ZNF354A: variants seen among roughly 807,000 people sequenced by gnomAD.
ZNF354A encodes zinc finger protein 354A.
A neutral mutation model predicts 53.3 loss-of-function variants in ZNF354A; 25 were observed. The ratio of observed to expected loss-of-function variants is 0.47; its 90% CI spans 0.34 to 0.66. The LOEUF (loss-of-function observed/expected upper bound fraction) is 0.66. Ranked by LOEUF, ZNF354A falls within the 30% of genes least tolerant of loss-of-function variation. The probability of loss-of-function intolerance (pLI) is 0.01; values close to 1 mark genes in which losing one functional copy is unlikely to be tolerated. For missense variants in ZNF354A, 586 were observed against 716.8 expected (o/e 0.82, Z 2.08); for synonymous variants, 228 against 249.0 (o/e 0.92, Z 0.79).
intron 4 of ZNF354A, among the ~76,000 whole-genome samples, chr5:178,714,641 T>A (rs757616261): frequency 6.6e-6 from 1 of 152,256 alleles, no homozygotes. Flanking sequence ...AAAAGTTGTA[T>A]GTTTTGTTAA....
At chr5:178,728,000 G>C (rs1765944134) in intron 2 of ZNF354A, among the ~76,000 whole-genome samples, 1 of 152,150 alleles carries the variant, frequency 6.6e-6, no homozygotes, top group African/African-American at 2.4e-5. Flanking sequence ...ACAGGTGCTA[G>C]ACACCATGCC....
rs1296462667 is a variant in ZNF354A at position 178,723,902 on chromosome 5, T to TGAAA, written c.256+1473_256+1474insTTTC. On this transcript the variant is annotated intron_variant, in intron 4 of 4. Coordinates refer to ENST00000335815, the MANE Select transcript of ZNF354A (RefSeq NM_005649.3). Reference sequence around the variant, plus strand: ...GTCAGATTCCTCCTGCTTAAGCACCTCGCAAATGCTGTTTCCTGAAATTCG... The same window carrying TGAAA: ...GTCAGATTCCTCCTGCTTAAGCACCTGAAACGCAAATGCTGTTTCCTGAAATTCG... 1.9e-3 allele frequency among the ~76,000 whole-genome samples: 291 copies of TGAAA among 152,008 alleles called. 2 individuals are homozygous for TGAAA. The highest frequency in any genetic ancestry group is 6.7e-3 in the African/African-American group (278 of 41,466).
Position 178,727,237 on chromosome 5 carries a change from T to C in ZNF354A, c.34-112A>G, listed in dbSNP as rs868736924. On this transcript the variant is annotated intron_variant, in intron 2 of 4. Transcript: ENST00000335815. The stretch of plus-strand genomic sequence containing the variant: ...ACACTTCCCATACTATTCAAGCTTC[T>C]GAAGGTTCCAGATCATTCGTTTAAT... 206 of 1,254,332 alleles carry C rather than the reference T, an allele frequency of 1.6e-4. 8 individuals are homozygous for C. In the Middle Eastern group the frequency reaches 6.2e-3, roughly 38 times the overall value. The allele number at this position is 1,254,332 out of a possible 1,614,324, so 77.7% of individuals were successfully genotyped here.
chr5:178,720,873 A>G (rs34703961), intron 4 of ZNF354A, among the ~76,000 whole-genome samples: 36,166 of 152,136 alleles, frequency 0.24, 4,970 homozygotes, highest in South Asian at 0.39. Context: ...ACCTACACTA[A>G]TAAGTCAAAC....
Position 178,712,765 on chromosome 5 carries a change from A to G in ZNF354A, c.1113T>C (p.Tyr371=). The G allele has an allele frequency of 6.2e-7, 1 of 1,614,108 alleles. No individual in the cohort carries two copies. Among genetic ancestry groups the G allele is most frequent in the Non-Finnish European group, 8.5e-7 (1 of 1,179,992 alleles). Residue 371 remains tyrosine, a synonymous_variant, in exon 5 of 5, where the codon TAT becomes TAC. Transcript: ENST00000335815. The part of the protein sequence containing the change: ...NTFKSSSSLR[Y]HQRIHTGEKP... ...TCTCTCCAGTGTGAATTCTCTGATG[A>G]TAACGAAGGGATGAGCTAGACTTAA...
intron 3 of ZNF354A, among the ~76,000 whole-genome samples, chr5:178,725,699 T>C (rs1765892260): frequency 6.6e-6 from 1 of 152,086 alleles, no homozygotes; most frequent in African/African-American, 2.4e-5. Context: ...GAAAATATGA[T>C]CAACATGCAG....
intron 4 of ZNF354A, among the ~76,000 whole-genome samples, chr5:178,716,581 A>T (rs1489448260): frequency 6.6e-6 from 1 of 152,148 alleles, no homozygotes; most frequent in African/African-American, 2.4e-5. Context: ...TATACTTTGG[A>T]GTGTGCGCAT....
At position 178,712,457 on chromosome 5, in the gene ZNF354A, G is replaced by T; in HGVS notation, c.1421C>A (p.Ala474Asp). Reference protein sequence around the residue: ...KPCKCKVCGKAFRQSSALIQH... With the variant: ...KPCKCKVCGKDFRQSSALIQH... Reference sequence around the variant, plus strand: ...AATGAGAGCTGAACTCTGTCTGAAGGCTTTTCCACATACTTTACATTTACA... The same window carrying T: ...AATGAGAGCTGAACTCTGTCTGAAGTCTTTTCCACATACTTTACATTTACA... Residue 474 changes from alanine (A) to aspartate (D), a missense_variant, in exon 5 of 5, where the codon GCC becomes GAC. Around this residue, in one of 2 missense-constraint regions of ZNF354A, gnomAD observed 573 missense variants for 680.1 expected, o/e 0.84. Coordinates refer to ENST00000335815, the MANE Select transcript of ZNF354A (RefSeq NM_005649.3). The T allele has an allele frequency of 6.2e-7, 1 of 1,613,894 alleles. No homozygotes were observed. Among genetic ancestry groups the T allele is most frequent in the Non-Finnish European group, 8.5e-7 (1 of 1,179,882 alleles).
In ZNF354A at chr5:178,725,484, A is replaced by C; in HGVS notation, c.161-13T>G. ...GTAAATGGGAGCCCTGCACATAAAC[A>C]AAAAACCACAACCAAACAAATCAGA... is the stretch of plus-strand genomic sequence containing the variant. On this transcript the variant is annotated splice_polypyrimidine_tract_variant and intron_variant, in intron 3 of 4. Coordinates refer to ENST00000335815, the MANE Select transcript of ZNF354A (RefSeq NM_005649.3). 6.2e-7 allele frequency: 1 copy of C among 1,612,340 alleles called. No individual in the cohort carries two copies. The highest frequency in any genetic ancestry group is 8.5e-7 in the Non-Finnish European group (1 of 1,178,858).
At chr5:178,714,976 T>C (rs1468925580) in intron 4 of ZNF354A, among the ~76,000 whole-genome samples, 3 of 152,140 alleles carry the variant, frequency 2.0e-5, no homozygotes, top group Admixed American at 1.3e-4. Flanking sequence ...AGCCTACTCA[T>C]GCATCAAGCA....
chr5:178,723,979 C>T lies in ZNF354A; in HGVS notation c.256+1397G>A, dbSNP rs1765858542. 2.6e-5 allele frequency among the ~76,000 whole-genome samples: 4 copies of T among 152,192 alleles called. No individual in the cohort carries two copies. The South Asian group carries it at 8.3e-4, about 32-fold the overall frequency. ...CCAGCTCCAAGCTTCTAATGCCCAT[C>T]ATGCTAATGGGCTCCCTGACCTCCC... On this transcript the variant is annotated intron_variant, in intron 4 of 4. Transcript: ENST00000335815.
Position 178,713,501 on chromosome 5 carries a change from T to C in ZNF354A, c.377A>G (p.Tyr126Cys). The C allele has an allele frequency of 6.2e-7, 1 of 1,613,840 alleles. No individual in the cohort carries two copies. The highest frequency in any genetic ancestry group is 8.5e-7 in the Non-Finnish European group (1 of 1,179,980). ...VPWDLKLEKP[Y>C]IYEGRLEKKQ... Reference sequence around the variant, plus strand: ...TTTCTCTAATCTGCCTTCATATATGTAAGGCTTTTCTAATTTCAAATCCCA... The same window carrying C: ...TTTCTCTAATCTGCCTTCATATATGCAAGGCTTTTCTAATTTCAAATCCCA... Residue 126 changes from tyrosine (Y) to cysteine (C), a missense_variant, in exon 5 of 5, where the codon TAC becomes TGC. This residue lies in a region of ZNF354A where 573 missense variants were observed against 680.1 expected (regional missense o/e 0.84). Coordinates refer to ENST00000335815, the MANE Select transcript of ZNF354A (RefSeq NM_005649.3).
At chr5:178,728,750 T>C (rs2113889291) in intron 2 of ZNF354A, among the ~76,000 whole-genome samples, 1 of 120,154 alleles carries the variant, frequency 8.3e-6, no homozygotes, top group South Asian at 2.7e-4. Flanking sequence ...CGAGCCGAGA[T>C]CCCGCCACTG....
At position 178,711,993 on chromosome 5, in the gene ZNF354A, ATC is replaced by A. The variant is rs1765626281; in HGVS notation, c.*65_*66del. 1.3e-6 allele frequency: 2 copies of A among 1,503,026 alleles called. No individual in the cohort carries two copies. Among genetic ancestry groups the A allele is most frequent in the Admixed American group, 2.3e-5 (1 of 43,674 alleles). 93.1% of individuals were successfully genotyped at this position (1,503,026 alleles called of 1,614,324 possible). On this transcript the variant is annotated 3_prime_UTR_variant, in exon 5 of 5. Coordinates refer to ENST00000335815, the MANE Select transcript of ZNF354A (RefSeq NM_005649.3). ...TTTTCACATCCATTACATTTATTAC[ATC>A]TCTCTCAAGGATGTATTCTTCGATG...
Position 178,711,878 on chromosome 5 carries a change from A to T in ZNF354A, c.*182T>A. On this transcript the variant is annotated 3_prime_UTR_variant, in exon 5 of 5. Coordinates refer to ENST00000335815, the MANE Select transcript of ZNF354A (RefSeq NM_005649.3). ...CTCAGGTTATTTTTTTAAGTGTCTGACAGGCACAAACACTTTCCTCATATC... is the reference window on the plus strand; with the variant it reads ...CTCAGGTTATTTTTTTAAGTGTCTGTCAGGCACAAACACTTTCCTCATATC... 1 of 611,914 alleles carries T rather than the reference A, an allele frequency of 1.6e-6. No individual in the cohort carries two copies. Among genetic ancestry groups the T allele is most frequent in the Non-Finnish European group, 2.5e-6 (1 of 397,188 alleles). 37.9% of individuals were successfully genotyped at this position (611,914 alleles called of 1,614,324 possible).
chr5:178,719,878 C>A (rs549704283), intron 4 of ZNF354A, among the ~76,000 whole-genome samples: 2 of 150,904 alleles, frequency 1.3e-5, no homozygotes, highest in Non-Finnish European at 3.0e-5. Flanking sequence ...ACCCGGGAGG[C>A]GGAGCTTGCA....
intron 2 of ZNF354A, among the ~76,000 whole-genome samples, chr5:178,727,536 T>C (rs1325131050): frequency 6.6e-6 from 1 of 152,146 alleles, no homozygotes; most frequent in Non-Finnish European, 1.5e-5. Flanking sequence ...CCAGGAATAA[T>C]CTAAATACTT....
At position 178,712,444 on chromosome 5, in the gene ZNF354A, A is replaced by G; in HGVS notation, c.1434T>C (p.Ser478=). ...TTCTCTGATGTTGAATGAGAGCTGA[A>G]CTCTGTCTGAAGGCTTTTCCACATA... is the stretch of plus-strand genomic sequence containing the variant. ...CKVCGKAFRQ[S]SALIQHQRMH... is the part of the protein sequence containing the mutation. Residue 478 remains serine, a synonymous_variant, in exon 5 of 5, where the codon AGT becomes AGC. Coordinates refer to ENST00000335815, the MANE Select transcript of ZNF354A (RefSeq NM_005649.3). 1 of 1,613,682 alleles carries G rather than the reference A, an allele frequency of 6.2e-7. No individual in the cohort carries two copies. The highest frequency in any genetic ancestry group is 8.5e-7 in the Non-Finnish European group (1 of 1,179,818).
intron 1 of ZNF354A, among the ~76,000 whole-genome samples, chr5:178,729,872 G>GCTTCT (rs746292908): frequency 8.4e-5 from 12 of 143,408 alleles, no homozygotes; most frequent in South Asian, 4.5e-4. Context: ...CTAACACGAT[G>GCTTCT]TTTCTTTTTT....
Sources: gnomAD v4.1 joint callset for allele counts (sites outside exome capture counted in the v4.1 genomes callset) on GRCh38, gnomAD v4.1.1 for gene constraint, gnomAD v4.1.1 regional missense constraint, MANE v1.5 for transcripts, NCBI Gene and HGNC (gene_info 2026-07-23, HGNC 2026-07-21) for gene names.